MYL4: variants seen among roughly 807,000 people sequenced by gnomAD.
MYL4 encodes myosin light chain 4.
Under a neutral mutation model 21.6 loss-of-function variants are expected in MYL4, and 16 were observed. The observed-to-expected ratio is 0.74, with a 90% CI of 0.50 to 1.12. The LOEUF (loss-of-function observed/expected upper bound fraction) is 1.12. MYL4 is among the 50% of genes most tolerant of loss of function. The pLI, the probability that MYL4 is intolerant of heterozygous loss-of-function variation, is 0.00. For missense variants in MYL4, 249 were observed against 252.9 expected, an observed-to-expected ratio of 0.98 and a Z score of 0.11; for synonymous variants, 82 against 95.7, an observed-to-expected ratio of 0.86 and a Z score of 0.83.
chr17:47,195,249 G>A, the MYL4 span, among the ~76,000 whole-genome samples: 1 of 145,192 alleles, frequency 6.9e-6, no homozygotes, highest in African/African-American at 2.6e-5. Flanking sequence ...TTTTTTTTGA[G>A]ACGGGGTTTT....
At chr17:47,209,729 G>A in intron 1 of MYL4, 172 bp downstream of exon 1, 2 of 932,100 alleles carry the variant, frequency 2.1e-6, no homozygotes, top group Non-Finnish European at 3.4e-6. Context: ...CTGATGAGGG[G>A]GAGATTGAGT....
intron 1 of MYL4, 137 bp downstream of exon 1, chr17:47,209,694 T>C (rs2064758432): frequency 1.5e-6 from 2 of 1,324,208 alleles, no homozygotes; most frequent in Non-Finnish European, 1.1e-6. Flanking sequence ...CGCAGTCCCA[T>C]GGGGCAGTGG....
intron 5 of MYL4, among the ~76,000 whole-genome samples, 196 bp from the exon 6 acceptor site, chr17:47,222,818 G>A (rs2064866759): frequency 6.6e-6 from 1 of 152,078 alleles, no homozygotes; most frequent in Non-Finnish European, 1.5e-5. Flanking sequence ...CATAGAGAGT[G>A]GGCACAGAGC....
At chr17:47,207,561 A>G (rs1457294913), upstream of MYL4, among the ~76,000 whole-genome samples, 2 of 152,218 alleles carry the variant, frequency 1.3e-5, no homozygotes, top group African/African-American at 2.4e-5. Flanking sequence ...GCTAACAGCA[A>G]CCAGGATTCT....
downstream of MYL4, among the ~76,000 whole-genome samples, chr17:47,226,917 C>T (rs779858312): frequency 3.3e-5 from 5 of 152,140 alleles, no homozygotes; most frequent in East Asian, 1.9e-4. Context: ...TGCAGTGGCA[C>T]GATCTCAGCT....
the MYL4 span, among the ~76,000 whole-genome samples, chr17:47,192,374 G>A: frequency 6.6e-6 from 1 of 150,888 alleles, no homozygotes; most frequent in Admixed American, 6.6e-5. Context: ...AAAAGGCCAG[G>A]CGCGTTGGCT....
upstream of MYL4, among the ~76,000 whole-genome samples, chr17:47,207,556 C>T (rs1400692502): frequency 6.6e-6 from 1 of 152,152 alleles, no homozygotes; most frequent in Non-Finnish European, 1.5e-5. Flanking sequence ...TAGGAGCTAA[C>T]AGCAACCAGG....
At chr17:47,219,323 T>C (rs998796118) in intron 2 of MYL4, among the ~76,000 whole-genome samples, 2 of 152,208 alleles carry the variant, frequency 1.3e-5, no homozygotes, top group African/African-American at 4.8e-5. Flanking sequence ...TCCCTTTGTG[T>C]GCACATGAAG....
At chr17:47,216,065 T>TGCTGGGATTATAGGCCAGG (rs1276965430) in intron 2 of MYL4, among the ~76,000 whole-genome samples, 1 of 150,464 alleles carries the variant, frequency 6.6e-6, no homozygotes, top group Non-Finnish European at 1.5e-5. Context: ...AGGCATTAAG[T>TGCTGGGATTATAGGCCAGG]CACTGTGCCT....
chr17:47,191,336 A>G, the MYL4 span, among the ~76,000 whole-genome samples: 1 of 152,230 alleles, frequency 6.6e-6, no homozygotes, highest in Non-Finnish European at 1.5e-5. Flanking sequence ...AAAGAAAGGG[A>G]TAAGTAAGAG....
downstream of MYL4, among the ~76,000 whole-genome samples, chr17:47,226,377 G>C (rs1226347405): frequency 6.6e-6 from 1 of 152,200 alleles, no homozygotes; most frequent in Admixed American, 6.5e-5. Context: ...GCCCCAGGGA[G>C]AAGAAGAGCA....
chr17:47,213,907 AGTT>A (rs746468880), intron 2 of MYL4, 81 bp downstream of exon 2: 2 of 1,468,172 alleles, frequency 1.4e-6, no homozygotes, highest in South Asian at 2.3e-5. Context: ...GAGGAGGAGT[AGTT>A]GTCCTCATGG....
intron 1 of MYL4, among the ~76,000 whole-genome samples, chr17:47,202,213 T>C (rs1006089777): frequency 1.3e-5 from 2 of 152,232 alleles, no homozygotes; most frequent in African/African-American, 4.8e-5. Flanking sequence ...CTCAAACTCC[T>C]GACCTGAAGT....
At chr17:47,195,052 CTT>C in the MYL4 span, among the ~76,000 whole-genome samples, 8 of 113,934 alleles carry the variant, frequency 7.0e-5, no homozygotes, top group Admixed American at 9.0e-5. Flanking sequence ...CTTCATGGAA[CTT>C]TTTTTTTTTT....
chr17:47,194,047 G>A, the MYL4 span, among the ~76,000 whole-genome samples: 8 of 152,336 alleles, frequency 5.3e-5, no homozygotes, highest in East Asian at 9.6e-4. Flanking sequence ...ACCATACCCC[G>A]CCCCTATCCA....
At chr17:47,213,734 C>A in intron 1 of MYL4, 65 bp from the exon 2 acceptor site, 1 of 1,487,908 alleles carries the variant, frequency 6.7e-7, no homozygotes, top group Non-Finnish European at 9.1e-7. Flanking sequence ...TTCTACTTCC[C>A]TTTGGGGGGC....
upstream of MYL4, among the ~76,000 whole-genome samples, chr17:47,204,060 A>G (rs2064718642): frequency 6.6e-6 from 1 of 152,144 alleles, no homozygotes. Context: ...TTGCCCCCTT[A>G]CCTGTTTTGA....
the MYL4 span, among the ~76,000 whole-genome samples, chr17:47,194,655 T>A: frequency 2.0e-5 from 3 of 152,142 alleles, no homozygotes; most frequent in Non-Finnish European, 4.4e-5. Context: ...TCTCCCTGTC[T>A]TCCCCCACCC....
At chr17:47,222,301 T>G in intron 4 of MYL4, 79 bp from the exon 5 acceptor site, 1 of 1,362,752 alleles carries the variant, frequency 7.3e-7, no homozygotes. Flanking sequence ...CCTTCACACT[T>G]AAGGGGGTAC....
Sources: allele counts gnomAD v4.1 joint callset (sites outside exome capture counted in the v4.1 genomes callset), GRCh38; gene constraint gnomAD v4.1.1; transcripts MANE v1.5; gene names NCBI Gene and HGNC (gene_info 2026-07-23, HGNC 2026-07-21).